The following ZDHHC1 variants were observed in gnomAD, a reference collection of about 807,000 sequenced individuals.
ZDHHC1 encodes the protein palmitoyltransferase ZDHHC1.
A neutral mutation model predicts 46.9 loss-of-function variants in ZDHHC1; 45 were observed. The ratio of observed to expected loss-of-function variants is 0.96; its 90% CI spans 0.76 to 1.23. ZDHHC1 has a LOEUF of 1.23. ZDHHC1 is among the 50% of genes most tolerant of loss of function. The probability of loss-of-function intolerance (pLI) is 0.00; values close to 1 mark genes in which losing one functional copy is unlikely to be tolerated. For missense variants in ZDHHC1, 649 were observed against 670.8 expected (o/e 0.97, Z 0.36); for synonymous variants, 291 against 286.0 (o/e 1.02, Z -0.18).
chr16:67,395,009 C>G lies in ZDHHC1; in HGVS notation c.1158G>C (p.Pro386=). ...ACAGGGAGAGGCGCTCACCCGACGCCGGATCCGAGGTCTCAGACGTTCGCA... is the reference window on the plus strand; with the variant it reads ...ACAGGGAGAGGCGCTCACCCGACGCGGGATCCGAGGTCTCAGACGTTCGCA... ...YKVRTSETSD[P]ASGPRAPSRR... The change falls in exon 11 of 12, where the codon CCG becomes CCC. Residue 386 remains proline (P), a synonymous_variant. Transcript: ENST00000565726. 6.2e-7 allele frequency: 1 copy of G among 1,610,394 alleles called. No homozygotes were observed. The highest frequency in any genetic ancestry group is 8.5e-7 in the Non-Finnish European group (1 of 1,178,520).
intron 1 of ZDHHC1, among the ~76,000 whole-genome samples, chr16:67,414,830 C>T (rs2040806803): frequency 6.6e-6 from 1 of 152,262 alleles, no homozygotes; most frequent in Admixed American, 6.5e-5. Flanking sequence ...CTGTCACAAC[C>T]ATGCTGCTCA....
rs369992825 is a variant in ZDHHC1 at position 67,395,058 on chromosome 16, T to G, written c.1109A>C (p.Lys370Thr). 6.2e-7 allele frequency: 1 copy of G among 1,613,082 alleles called. No individual in the cohort carries two copies. The highest frequency in any genetic ancestry group is 1.3e-5 in the African/African-American group (1 of 74,902). ...CACTTTATACACGCGCCTCTTCCTC[T>G]TTTTCTGCAGAGACACGGGGGAGCC... ...ALPPRIRPQK[K>T]RKRRVYKVRT... The change falls in exon 11 of 12, where the codon AAG (lysine) becomes ACG (threonine). Residue 370 changes from lysine (K) to threonine (T), a missense_variant. By Grantham distance (78) the Lys-to-Thr change is moderately conservative. Transcript: ENST00000565726.
intron 3 of ZDHHC1, among the ~76,000 whole-genome samples, chr16:67,402,450 A>AGAC (rs1388672740): frequency 2.0e-5 from 3 of 152,106 alleles, no homozygotes; most frequent in Non-Finnish European, 1.5e-5. Context: ...TCCACTCTTC[A>AGAC]GACACTGAAT....
rs377591633 is a variant in ZDHHC1 at position 67,400,947 on chromosome 16, A to G, written c.428+10T>C. On this transcript the variant is annotated intron_variant, in intron 4 of 11. Transcript: ENST00000565726. ...ACACTCGGCAGCCACAAGCACCCAC[A>G]CACACTCACACATCCACGTTGCACA... The G allele has an allele frequency of 1.6e-5, 25 of 1,612,756 alleles. No individual in the cohort carries two copies. The highest frequency in any genetic ancestry group is 1.4e-5 in the Non-Finnish European group (17 of 1,179,476).
chr16:67,407,914 G>A, intron 1 of ZDHHC1, 101 bp from the exon 2 acceptor site: 1 of 684,924 alleles, frequency 1.5e-6, no homozygotes, highest in Non-Finnish European at 2.7e-6. Context: ...ATCCAGCCCT[G>A]CCCTCTTTCT....
In ZDHHC1 at chr16:67,406,203, G is replaced by C; in HGVS notation, c.249C>G (p.Tyr83Ter). The change falls in exon 3 of 12, where the codon TAC (tyrosine) becomes TAG (stop). Residue 83 changes from tyrosine to a stop codon, truncating the protein, a stop_gained. Coordinates refer to ENST00000565726, the MANE Select transcript of ZDHHC1 (RefSeq NM_001323627.2). LOFTEE classifies it high-confidence loss of function. This position sits in a 1 kb window ranked among gnomAD's most constrained non-coding sequence, Gnocchi z 4.1. ...CCCTACGCTTTCCCAAGGATACAGC[G>C]TAGCCAGCGGGCACCCAGTGGTGAG... ...LLPHHWVPAGYACMGAIFAGH... is the reference protein window; with the variant it reads ...LLPHHWVPAG 1 of 1,613,746 alleles carries C rather than the reference G, an allele frequency of 6.2e-7. No individual in the cohort carries two copies. The highest frequency in any genetic ancestry group is 8.5e-7 in the Non-Finnish European group (1 of 1,179,876).
Position 67,394,239 on chromosome 16 carries a change from AC to A in ZDHHC1, c.*370del, listed in dbSNP as rs1323278640. 6.6e-6 allele frequency among the ~76,000 whole-genome samples: 1 copy of A among 151,860 alleles called. No homozygotes were observed. Among genetic ancestry groups the A allele is most frequent in the Non-Finnish European group, 1.5e-5 (1 of 67,984 alleles). Reference sequence around the variant, plus strand: ...GCAAAGCCCATCTTTAAGAAAAATAACCTCCTCCAGGCCGCCTTCTAAGGCC... The same window carrying A: ...GCAAAGCCCATCTTTAAGAAAAATAACTCCTCCAGGCCGCCTTCTAAGGCC... On this transcript the variant is annotated 3_prime_UTR_variant, in exon 12 of 12. Coordinates refer to ENST00000565726, the MANE Select transcript of ZDHHC1 (RefSeq NM_001323627.2).
rs1181791908 is a variant in ZDHHC1 at position 67,398,852 on chromosome 16, G to A, written c.623C>T (p.Pro208Leu). 1 of 1,612,834 alleles carries A rather than the reference G, an allele frequency of 6.2e-7. No homozygotes were observed. Among genetic ancestry groups the A allele is most frequent in the Non-Finnish European group, 8.5e-7 (1 of 1,179,496 alleles). The stretch of plus-strand genomic sequence containing the variant: ...GTGTCGGTTGGTGCGCAGACGCATG[G>A]GGTTGACAAAGAACTCCACGAAGAC... ...TYVFVEFFVN[P>L]MRLRTNRHFE... The change falls in exon 6 of 12, where the codon CCC (proline) becomes CTC (leucine). Residue 208 changes from proline to leucine, a missense_variant. Pro to Leu is a moderately conservative substitution (Grantham distance 98). Transcript: ENST00000565726.
chr16:67,398,528 C>G, intron 7 of ZDHHC1, 45 bp downstream of exon 7: 1 of 1,558,098 alleles, frequency 6.4e-7, no homozygotes, highest in Non-Finnish European at 8.6e-7. Flanking sequence ...TTCCTGCAAT[C>G]TGAGGACCCC....
chr16:67,415,328 G>A (rs9937212), intron 1 of ZDHHC1, among the ~76,000 whole-genome samples: 27,077 of 151,810 alleles, frequency 0.18, 5,737 homozygotes, highest in African/African-American at 0.51. Context: ...GCGTGGTGGC[G>A]GGTATCTGTA....
chr16:67,398,594 G>T lies in ZDHHC1; in HGVS notation c.793C>A (p.Leu265Ile). The change falls in exon 7 of 12, where the codon CTC becomes ATC. Residue 265 changes from leucine to isoleucine, a missense_variant. Coordinates refer to ENST00000565726, the MANE Select transcript of ZDHHC1 (RefSeq NM_001323627.2). The part of the protein sequence containing the change: ...LLSTALLGHL[L>I]CFHIYLMWHK... ...TTACTGAGATAAATGTGGAAGCAGA[G>T]CAGGTGCCCCAGGAGGGCTGTGGAC... The T allele has an allele frequency of 6.2e-7, 1 of 1,604,012 alleles. No homozygotes were observed. The highest frequency in any genetic ancestry group is 8.5e-7 in the Non-Finnish European group (1 of 1,176,738).
At chr16:67,415,072 T>G (rs546951409) in intron 1 of ZDHHC1, among the ~76,000 whole-genome samples, 1 of 151,364 alleles carries the variant, frequency 6.6e-6, no homozygotes, top group East Asian at 1.9e-4. Context: ...GAGGTGGAGG[T>G]TGCAGTGAGC....
intron 1 of ZDHHC1, among the ~76,000 whole-genome samples, chr16:67,412,384 C>T (rs1157217590): frequency 6.6e-6 from 1 of 152,126 alleles, no homozygotes; most frequent in Non-Finnish European, 1.5e-5. Context: ...TCACCTCCTG[C>T]CTTCCTGGCC....
chr16:67,394,917 G>A, intron 11 of ZDHHC1, 24 bp from the exon 12 acceptor site: 1 of 1,570,346 alleles, frequency 6.4e-7, no homozygotes, highest in Non-Finnish European at 8.6e-7. Flanking sequence ...GGGAACATGA[G>A]CCCAGTGGCT....
chr16:67,401,849 A>G lies in ZDHHC1; in HGVS notation c.253-717T>C, dbSNP rs894854636. ...GACAAGTTTGCTGACAATTTGCTAC[A>G]AAGTCTGATGTTTAAAAATTCACCC... On this transcript the variant is annotated intron_variant, in intron 3 of 11. Coordinates refer to ENST00000565726, the MANE Select transcript of ZDHHC1 (RefSeq NM_001323627.2). This position sits in a 1 kb window ranked among gnomAD's most constrained non-coding sequence, Gnocchi z 4.6. 6.6e-6 allele frequency among the ~76,000 whole-genome samples: 1 copy of G among 152,220 alleles called. No homozygotes were observed. Among genetic ancestry groups the G allele is most frequent in the Admixed American group, 6.5e-5 (1 of 15,284 alleles).
intron 8 of ZDHHC1, among the ~76,000 whole-genome samples, chr16:67,397,683 ATGGGG>A (rs2040458796): frequency 1.3e-5 from 2 of 152,028 alleles, no homozygotes; most frequent in South Asian, 4.2e-4. Context: ...GGGCGTGGGA[ATGGGG>A]ATAGGCTGGT....
At position 67,398,866 on chromosome 16, in the gene ZDHHC1, C is replaced by T; in HGVS notation, c.609G>A (p.Glu203=). The T allele has an allele frequency of 6.2e-7, 1 of 1,613,214 alleles. No homozygotes were observed. The highest frequency in any genetic ancestry group is 2.2e-5 in the East Asian group (1 of 44,840). ...GCAGACGCATGGGGTTGACAAAGAA[C>T]TCCACGAAGACATATGTGGCCACCA... The part of the protein sequence containing the change: ...LVLVATYVFV[E]FFVNPMRLRT... The change falls in exon 6 of 12, where the codon GAG becomes GAA. Residue 203 remains glutamate, a synonymous_variant. Coordinates refer to ENST00000565726, the MANE Select transcript of ZDHHC1 (RefSeq NM_001323627.2).
intron 4 of ZDHHC1, 105 bp from the exon 5 acceptor site, chr16:67,399,561 G>A (rs533024095): frequency 9.0e-6 from 8 of 887,646 alleles, no homozygotes; most frequent in Non-Finnish European, 1.3e-5. Context: ...CAAGCGCCAG[G>A]CCTGAGACAG....
chr16:67,416,396 C>A lies in ZDHHC1; in HGVS notation c.-264G>T. The A allele has an allele frequency of 4.7e-6, 1 of 213,678 alleles. No homozygotes were observed. The highest frequency in any genetic ancestry group is 9.6e-6 in the Non-Finnish European group (1 of 104,526). The allele number at this position is 213,678 out of a possible 1,614,324, so 13.2% of individuals were successfully genotyped here. Reference sequence around the variant, plus strand: ...CTGGCTCTGGCTCCGGCTCCGGCTCCGGCTCCGGCTCCGGCTCCGGCTCCA... The same window carrying A: ...CTGGCTCTGGCTCCGGCTCCGGCTCAGGCTCCGGCTCCGGCTCCGGCTCCA... On this transcript the variant is annotated 5_prime_UTR_variant, in exon 1 of 12. Transcript: ENST00000565726.
Sources: allele counts gnomAD v4.1 joint callset (sites outside exome capture counted in the v4.1 genomes callset), GRCh38; gene constraint gnomAD v4.1.1; non-coding constraint Gnocchi (gnomAD v3.1); transcripts MANE v1.5; gene names NCBI Gene and HGNC (gene_info 2026-07-23, HGNC 2026-07-21).